Variants in CSMD1 observed in about 807,000 individuals in gnomAD.
CSMD1 encodes the protein CUB and sushi domain-containing protein 1.
A neutral mutation model predicts 417.5 loss-of-function variants in CSMD1; 213 were observed. That is an observed-to-expected ratio of 0.51 (90% CI 0.46 to 0.57). The LOEUF is 0.57. Among genes scored for constraint, CSMD1 ranks in the 20% least tolerant of loss-of-function variants. The pLI, the probability that CSMD1 is intolerant of heterozygous loss-of-function variation, is 0.00. For missense variants in CSMD1, 6,923 were observed against 4,529.7 expected (o/e 1.53, Z -15.17); for synonymous variants, 2,862 against 1,736.8 (o/e 1.65, Z -16.11).
At chr8:4,446,016 T>C (rs948309374) in intron 2 of CSMD1, among the ~76,000 whole-genome samples, 2 of 152,094 alleles carry the variant, frequency 1.3e-5, no homozygotes, top group African/African-American at 4.8e-5. Flanking sequence ...CCTGACTCTG[T>C]GCCAACTCTT....
At chr8:4,906,828 G>T (rs543840271) in intron 1 of CSMD1, among the ~76,000 whole-genome samples, 1 of 152,226 alleles carries the variant, frequency 6.6e-6, no homozygotes, top group Admixed American at 6.5e-5. Context: ...ATAGTGCTGA[G>T]ATTACAGGCG....
intron 3 of CSMD1, among the ~76,000 whole-genome samples, chr8:4,165,210 A>G (rs1797386661): frequency 6.6e-6 from 1 of 152,182 alleles, no homozygotes; most frequent in East Asian, 1.9e-4. Flanking sequence ...AAAGAGCTAC[A>G]CACCCTCCAG....
intron 5 of CSMD1, among the ~76,000 whole-genome samples, chr8:3,815,761 C>T (rs1414150631): frequency 6.6e-6 from 1 of 151,816 alleles, no homozygotes; most frequent in Non-Finnish European, 1.5e-5. Flanking sequence ...AGTCATAAAA[C>T]CACATTGTTC....
intron 1 of CSMD1, among the ~76,000 whole-genome samples, chr8:4,870,865 A>G (rs1802696038): frequency 6.6e-6 from 1 of 152,096 alleles, no homozygotes; most frequent in South Asian, 2.1e-4. Flanking sequence ...AGTTTGTCCC[A>G]CAGTTCCTGA....
chr8:3,847,915 T>C (rs1459529843), intron 5 of CSMD1, among the ~76,000 whole-genome samples: 3 of 152,196 alleles, frequency 2.0e-5, no homozygotes, highest in Non-Finnish European at 4.4e-5. Context: ...TCCTTATAAA[T>C]AAAGGTAAGT....
At chr8:4,256,694 G>T (rs1803478115) in intron 3 of CSMD1, among the ~76,000 whole-genome samples, 1 of 150,988 alleles carries the variant, frequency 6.6e-6, no homozygotes, top group East Asian at 2.0e-4. Context: ...CAGCAGATGG[G>T]CCGGGCGTGG....
chr8:4,580,316 T>G (rs547503977), intron 2 of CSMD1, among the ~76,000 whole-genome samples: 1 of 152,174 alleles, frequency 6.6e-6, no homozygotes, highest in Non-Finnish European at 1.5e-5. Context: ...TCCAGGAAGG[T>G]ACATGAAAGA....
At chr8:4,556,394 T>C (rs1585244809) in intron 2 of CSMD1, among the ~76,000 whole-genome samples, 1 of 152,162 alleles carries the variant, frequency 6.6e-6, no homozygotes, top group Non-Finnish European at 1.5e-5. Context: ...AAGAGCATTG[T>C]AAGCTGGCAA....
intron 37 of CSMD1, among the ~76,000 whole-genome samples, chr8:3,174,463 C>G (rs531594153): frequency 6.6e-4 from 100 of 152,272 alleles, no homozygotes; most frequent in Non-Finnish European, 1.1e-3. Flanking sequence ...CCACTGCACT[C>G]CAGCCTGGGC....
chr8:2,959,061 G>C lies in CSMD1; in HGVS notation c.9703-1254C>G, dbSNP rs187537745. On this transcript the variant is annotated intron_variant, in intron 62 of 69. Transcript: ENST00000635120. ...TAGCTAATTTAAGATTCAATGATGG[G>C]AAAGCGTTGACTCATTTACTCTTGA... 2.0e-5 allele frequency among the ~76,000 whole-genome samples: 3 copies of C among 152,284 alleles called. No homozygotes were observed. In the East Asian group the frequency reaches 5.8e-4, roughly 29 times the overall value.
chr8:3,120,396 C>T (rs1023350130), intron 41 of CSMD1, among the ~76,000 whole-genome samples: 9 of 152,170 alleles, frequency 5.9e-5, no homozygotes, highest in Non-Finnish European at 1.5e-5. Flanking sequence ...TACAGCGTGG[C>T]CTTGGCGTTC....
chr8:4,836,572 AT>A (rs1038527533), intron 1 of CSMD1, among the ~76,000 whole-genome samples: 2 of 152,214 alleles, frequency 1.3e-5, no homozygotes, highest in African/African-American at 4.8e-5. Context: ...CTTGAACTTT[AT>A]GAATAAGTTT....
At chr8:3,277,363 G>C (rs1584914972) in intron 26 of CSMD1, among the ~76,000 whole-genome samples, 1 of 152,278 alleles carries the variant, frequency 6.6e-6, no homozygotes, top group East Asian at 1.9e-4. Flanking sequence ...GGGCCAGAAA[G>C]TACGCAGGTG....
intron 3 of CSMD1, among the ~76,000 whole-genome samples, chr8:4,095,294 T>A (rs963349605): frequency 6.6e-6 from 1 of 152,194 alleles, no homozygotes; most frequent in East Asian, 1.9e-4. Context: ...ACCTTTAATA[T>A]CAATTCTGTT....
At chr8:4,238,848 T>A (rs540629790) in intron 3 of CSMD1, among the ~76,000 whole-genome samples, 7 of 152,192 alleles carry the variant, frequency 4.6e-5, no homozygotes, top group Non-Finnish European at 1.0e-4. Context: ...TAAGTACATT[T>A]TTAAAAATCG....
chr8:3,283,439 G>A (rs9314479), intron 26 of CSMD1, among the ~76,000 whole-genome samples: 109,399 of 151,310 alleles, frequency 0.72, 40,454 homozygotes, highest in Admixed American at 0.83. Context: ...AAAGTCGTAC[G>A]TTTTTTTTTT....
chr8:3,592,484 C>T (rs1332629297), intron 8 of CSMD1, among the ~76,000 whole-genome samples: 3 of 152,116 alleles, frequency 2.0e-5, no homozygotes, highest in Non-Finnish European at 4.4e-5. Flanking sequence ...ACATTCAAGC[C>T]TGGATTTGCC....
intron 3 of CSMD1, among the ~76,000 whole-genome samples, chr8:4,329,696 A>T (rs1799760358): frequency 6.6e-6 from 1 of 152,108 alleles, no homozygotes; most frequent in African/African-American, 2.4e-5. Flanking sequence ...TGTGATACCC[A>T]GTGTTGGAGA....
At chr8:3,614,590 A>C (rs1433078369) in intron 8 of CSMD1, among the ~76,000 whole-genome samples, 1 of 152,202 alleles carries the variant, frequency 6.6e-6, no homozygotes, top group South Asian at 2.1e-4. Context: ...TAAAACATGA[A>C]GTGCAATTTG....
Sources: gnomAD v4.1 joint callset for allele counts (sites outside exome capture counted in the v4.1 genomes callset) on GRCh38, gnomAD v4.1.1 for gene constraint, MANE v1.5 for transcripts, NCBI Gene and HGNC (gene_info 2026-07-23, HGNC 2026-07-21) for gene names.